DISP3: variants seen among roughly 807,000 people sequenced by gnomAD.
DISP3 encodes the protein dispatched RND transporter family member 3.
DISP3 carries 101 observed loss-of-function variants against 135.3 expected under a neutral mutation model. The observed-to-expected ratio is 0.75, with a 90% confidence interval of 0.64 to 0.88. The LOEUF is 0.88. DISP3 is among the 40% of genes least tolerant of loss of function. DISP3 has a pLI of 0.00. For synonymous variants in DISP3, 856 were observed against 817.0 expected, an observed-to-expected ratio of 1.05 and a Z score of -0.81; for missense variants, 1,713 against 1,878.6, an observed-to-expected ratio of 0.91 and a Z score of 1.63.
At chr1:11,532,268 A>G (rs930477127) in intron 17 of DISP3, among the ~76,000 whole-genome samples, 2 of 152,194 alleles carry the variant, frequency 1.3e-5, no homozygotes, top group African/African-American at 4.8e-5. Context: ...GGCTCTCCCA[A>G]GCTTGGCAAG....
intron 2 of DISP3, 39 bp downstream of exon 2, chr1:11,502,127 G>A (rs370559475): frequency 3.3e-6 from 5 of 1,522,020 alleles, no homozygotes; most frequent in Non-Finnish European, 4.4e-6. Context: ...GTAGGTCCAG[G>A]TTTCATACAG....
rs953587931 is a variant in DISP3, at chr1:11,516,350, T to C, written c.1749+189T>C. On this transcript the variant is annotated intron_variant, in intron 6 of 20. Coordinates refer to ENST00000294484, the MANE Select transcript of DISP3 (RefSeq NM_020780.2). This position sits in a 1 kb window ranked among gnomAD's most constrained non-coding sequence, Gnocchi z 5.1. ...CCAAACTTAACAAGTGGGAATATTA[T>C]AATAATCCAGACAGCATGCATTAGG... Among the ~76,000 whole-genome samples the C allele has an allele frequency of 9.2e-5, 14 of 152,196 alleles. No homozygotes were observed. Among genetic ancestry groups the C allele is most frequent in the African/African-American group, 3.4e-4 (14 of 41,448 alleles).
chr1:11,524,488 C>G (rs964784495), intron 11 of DISP3, among the ~76,000 whole-genome samples: 1 of 152,034 alleles, frequency 6.6e-6, no homozygotes, highest in African/African-American at 2.4e-5. Context: ...TACTGTCACT[C>G]CCAGCACCAG....
Position 11,535,433 on chromosome 1 carries a change from C to A in DISP3, c.3650-45C>A, listed in dbSNP as rs773306867. On this transcript the variant is annotated intron_variant, in intron 19 of 20. Coordinates refer to ENST00000294484, the MANE Select transcript of DISP3 (RefSeq NM_020780.2). ...AGACCTCCCTGTTCCTCTGAGGCCTCCAGGGCGGGGGATCCGAGCTGCCCC... is the reference window on the plus strand; with the variant it reads ...AGACCTCCCTGTTCCTCTGAGGCCTACAGGGCGGGGGATCCGAGCTGCCCC... The A allele has an allele frequency of 3.8e-6, 6 of 1,562,950 alleles. No homozygotes were observed. In the East Asian group the frequency reaches 1.4e-4, roughly 35 times the overall value.
chr1:11,497,869 T>G (rs4846012), intron 1 of DISP3, among the ~76,000 whole-genome samples: 71,601 of 152,162 alleles, frequency 0.47, 20,551 homozygotes, highest in Non-Finnish European at 0.64. Flanking sequence ...ATTGAATACC[T>G]CACCCAAGTT....
At chr1:11,511,207 A>G (rs1641847438) in intron 3 of DISP3, among the ~76,000 whole-genome samples, 1 of 152,080 alleles carries the variant, frequency 6.6e-6, no homozygotes, top group Admixed American at 6.6e-5. Flanking sequence ...TTTAAAACCA[A>G]TCATGCCTTC....
At chr1:11,511,729 G>A (rs189103343) in intron 3 of DISP3, among the ~76,000 whole-genome samples, 42 of 152,298 alleles carry the variant, frequency 2.8e-4, no homozygotes, top group Non-Finnish European at 4.7e-4. Flanking sequence ...ACTAGGCAGT[G>A]GCCCAGTAGG....
At chr1:11,521,589 T>C (rs1476574869) in intron 10 of DISP3, among the ~76,000 whole-genome samples, 1 of 37,568 alleles carries the variant, frequency 2.7e-5, no homozygotes, top group African/African-American at 1.1e-4. Flanking sequence ...AGTTAGCCAG[T>C]TGAGGAGGGG....
intron 15 of DISP3, among the ~76,000 whole-genome samples, chr1:11,530,702 G>A (rs757208568): frequency 3.3e-5 from 5 of 152,120 alleles, no homozygotes; most frequent in African/African-American, 4.8e-5. Flanking sequence ...TGTGGGGTGG[G>A]CAGTGATGGG....
intron 1 of DISP3, chr1:11,481,118 G>A (rs1640894185): frequency 6.6e-6 from 1 of 151,248 alleles, no homozygotes; most frequent in Non-Finnish European, 1.5e-5. Context: ...GGTCTTTCCA[G>A]TCATCCTTCC....
intron 12 of DISP3, 121 bp from the exon 13 acceptor site, chr1:11,526,530 A>T: frequency 8.4e-7 from 1 of 1,189,998 alleles, no homozygotes; most frequent in Non-Finnish European, 1.2e-6. Flanking sequence ...TCTGTCCCCA[A>T]CTCCGAGGAC....
In DISP3 at chr1:11,501,765, A is replaced by G. The variant is rs879752493; in HGVS notation, c.773A>G (p.Tyr258Cys). 3 of 1,593,586 alleles carry G rather than the reference A, an allele frequency of 1.9e-6. No homozygotes were observed. The highest frequency in any genetic ancestry group is 2.3e-5 in the East Asian group (1 of 44,288). Residue 258 changes from tyrosine to cysteine, a missense_variant, in exon 2 of 21, where the codon TAC becomes TGC. Coordinates refer to ENST00000294484, the MANE Select transcript of DISP3 (RefSeq NM_020780.2). This position sits in a 1 kb window ranked among gnomAD's most constrained non-coding sequence, Gnocchi z 4.9. ...RARRGASRWD[Y>C]SRAYVSANTQ... ...CGCCGAGGCGCCTCGCGCTGGGACT[A>G]CTCGCGCGCCTATGTGAGTGCCAAC...
In DISP3 at chr1:11,483,921, G is replaced by A. The variant is rs944379643; in HGVS notation, c.-4+4549G>A. On this transcript the variant is annotated intron_variant, in intron 1 of 20. Transcript: ENST00000294484. This position sits in a 1 kb window ranked among gnomAD's most constrained non-coding sequence, Gnocchi z 5.4. ...TTGCCCAGCATCACACAGCATGTTGGTAGCAGAGCCTGAGTCTCAGAATCC... is the reference window on the plus strand; with the variant it reads ...TTGCCCAGCATCACACAGCATGTTGATAGCAGAGCCTGAGTCTCAGAATCC... Among the ~76,000 whole-genome samples the A allele has an allele frequency of 2.6e-5, 4 of 152,226 alleles. No individual in the cohort carries two copies. The highest frequency in any genetic ancestry group is 9.6e-5 in the African/African-American group (4 of 41,462).
At chr1:11,535,357 C>T in intron 19 of DISP3, 121 bp from the exon 20 acceptor site, 2 of 1,370,748 alleles carry the variant, frequency 1.5e-6, no homozygotes, top group Non-Finnish European at 2.0e-6. Flanking sequence ...CTCAGGGGTC[C>T]CCTCGGTGTG....
At chr1:11,495,164 G>A (rs910070895) in intron 1 of DISP3, among the ~76,000 whole-genome samples, 4 of 152,268 alleles carry the variant, frequency 2.6e-5, no homozygotes, top group Non-Finnish European at 5.9e-5. Context: ...AGGCCAAGGC[G>A]GGCAGATCGC....
chr1:11,530,767 G>A, intron 15 of DISP3, 140 bp from the exon 16 acceptor site: 1 of 1,136,616 alleles, frequency 8.8e-7, no homozygotes, highest in Non-Finnish European at 1.3e-6. Flanking sequence ...CAGTGGGTGA[G>A]CAGTTGCAGG....
chr1:11,517,684 C>A, intron 7 of DISP3, 82 bp downstream of exon 7: 1 of 1,521,350 alleles, frequency 6.6e-7, no homozygotes, highest in Non-Finnish European at 8.9e-7. Context: ...ACCTCTCTTC[C>A]AAAAGCCTTC....
Position 11,499,893 on chromosome 1 carries a change from T to A in DISP3, c.-3-1097T>A, listed in dbSNP as rs1641452175. On this transcript the variant is annotated intron_variant, in intron 1 of 20. Transcript: ENST00000294484. This position sits in a 1 kb window ranked among gnomAD's most constrained non-coding sequence, Gnocchi z 5.2. The stretch of plus-strand genomic sequence containing the variant: ...AATAGGAAAGGCAGCATTAATTAGC[T>A]AGCGCTAGCACAATTAGCTTCCTCC... Among the ~76,000 whole-genome samples, 2 of 152,248 alleles carry A rather than the reference T, an allele frequency of 1.3e-5. No homozygotes were observed. The highest frequency in any genetic ancestry group is 4.8e-5 in the African/African-American group (2 of 41,468).
chr1:11,515,360 C>G lies in DISP3; in HGVS notation c.1454-9C>G. On this transcript the variant is annotated splice_polypyrimidine_tract_variant and intron_variant, in intron 4 of 20. Transcript: ENST00000294484. ...CCCACCGTCTCCCTGTGTCTCTTAC[C>G]CTGCCCAGTGTTCCTGTCCTTCTTT... The G allele has an allele frequency of 6.2e-7, 1 of 1,614,194 alleles. No homozygotes were observed. Among genetic ancestry groups the G allele is most frequent in the Non-Finnish European group, 8.5e-7 (1 of 1,179,998 alleles).
Sources: allele counts gnomAD v4.1 joint callset (sites outside exome capture counted in the v4.1 genomes callset), GRCh38; gene constraint gnomAD v4.1.1; non-coding constraint Gnocchi (gnomAD v3.1); transcripts MANE v1.5; gene names NCBI Gene and HGNC (gene_info 2026-07-23, HGNC 2026-07-21).